RNF2: variants seen among roughly 807,000 people sequenced by gnomAD.
RNF2 encodes ring finger protein 2.
Under a neutral mutation model 37.2 loss-of-function variants are expected in RNF2, and 6 were observed. The observed-to-expected ratio is 0.16, with a 90% CI of 0.09 to 0.32. RNF2 has a LOEUF of 0.32. RNF2 is among the 10% of genes least tolerant of loss of function. The pLI is 1.00. For synonymous variants in RNF2, 133 were observed against 132.7 expected, an observed-to-expected ratio of 1.00 and a Z score of -0.02; for missense variants, 251 against 404.0, an observed-to-expected ratio of 0.62 and a Z score of 3.25.
chr1:185,075,655 G>T (rs1651126612), intron 1 of RNF2, among the ~76,000 whole-genome samples: 1 of 152,168 alleles, frequency 6.6e-6, no homozygotes, highest in South Asian at 2.1e-4. Context: ...TACATGTCTG[G>T]AGCAGGAGGA....
intron 1 of RNF2, among the ~76,000 whole-genome samples, chr1:185,060,812 C>G (rs550542773): frequency 6.6e-6 from 1 of 152,132 alleles, no homozygotes; most frequent in Non-Finnish European, 1.5e-5. Flanking sequence ...GTCAGAGGGA[C>G]AGACAGTTAA....
rs1163774743 is a variant in RNF2 at position 185,061,723 on chromosome 1, TG to T, written c.-3+16075del. 2.6e-5 allele frequency among the ~76,000 whole-genome samples: 4 copies of T among 152,346 alleles called. No homozygotes were observed. In the East Asian group the frequency reaches 7.7e-4, roughly 29 times the overall value. On this transcript the variant is annotated intron_variant, in intron 1 of 6. Coordinates refer to ENST00000367510, the MANE Select transcript of RNF2 (RefSeq NM_007212.4). ...TTAGAGGAAACAACTGGTTGCTGGC[TG>T]AAGTATTCAAGTTGAAAGACATTGC...
chr1:185,087,241 C>T (rs528395246), intron 1 of RNF2, among the ~76,000 whole-genome samples: 1 of 152,234 alleles, frequency 6.6e-6, no homozygotes, highest in South Asian at 2.1e-4. Flanking sequence ...GTTCTGGAGA[C>T]TGGGAATTCC....
chr1:185,082,962 A>G (rs1239342785), intron 1 of RNF2, among the ~76,000 whole-genome samples: 1 of 152,230 alleles, frequency 6.6e-6, no homozygotes, highest in Non-Finnish European at 1.5e-5. Context: ...CCAACAGTGC[A>G]AAAACCACAA....
At chr1:185,075,585 G>C (rs189105348) in intron 1 of RNF2, among the ~76,000 whole-genome samples, 1 of 152,208 alleles carries the variant, frequency 6.6e-6, no homozygotes, top group Non-Finnish European at 1.5e-5. Flanking sequence ...AAGCATGGCT[G>C]GGGGAGGCCT....
intron 5 of RNF2, among the ~76,000 whole-genome samples, chr1:185,099,327 C>T (rs962496434): frequency 7.8e-4 from 119 of 152,296 alleles, no homozygotes; most frequent in African/African-American, 2.8e-3. Context: ...GGATTACAGG[C>T]GTGAGCCACC....
At chr1:185,074,406 G>C (rs970409944) in intron 1 of RNF2, among the ~76,000 whole-genome samples, 4 of 151,994 alleles carry the variant, frequency 2.6e-5, no homozygotes, top group Non-Finnish European at 5.9e-5. Context: ...TAATCTTGTG[G>C]TTGGTTCTCC....
At chr1:185,047,007 A>T (rs1255681020) in intron 1 of RNF2, among the ~76,000 whole-genome samples, 1 of 152,148 alleles carries the variant, frequency 6.6e-6, no homozygotes, top group Non-Finnish European at 1.5e-5. Context: ...TTTCCCCTGA[A>T]ATTTCTACTT....
intron 1 of RNF2, among the ~76,000 whole-genome samples, chr1:185,068,010 T>A (rs1330196571): frequency 1.4e-3 from 1 of 736 alleles, no homozygotes; most frequent in Non-Finnish European, 2.9e-3. Flanking sequence ...CGCCCGGCCT[T>A]TTTTTTTTTT....
chr1:185,085,501 G>A (rs1032955944), intron 1 of RNF2, among the ~76,000 whole-genome samples: 2 of 151,850 alleles, frequency 1.3e-5, no homozygotes, highest in African/African-American at 4.8e-5. Flanking sequence ...CCGTCTCTGT[G>A]TCCATGTTTA....
chr1:185,059,811 T>C (rs1650548024), intron 1 of RNF2, among the ~76,000 whole-genome samples: 1 of 152,228 alleles, frequency 6.6e-6, no homozygotes, highest in South Asian at 2.1e-4. Context: ...AGAAATGAAT[T>C]CCTTAGCTGG....
At chr1:185,081,591 TGG>T (rs370772164) in intron 1 of RNF2, among the ~76,000 whole-genome samples, 1 of 54,898 alleles carries the variant, frequency 1.8e-5, no homozygotes, top group Non-Finnish European at 3.1e-5. Flanking sequence ...ACGGGTGGGG[TGG>T]GGGGGGGCGG....
chr1:185,049,384 C>A (rs187052689), intron 1 of RNF2, among the ~76,000 whole-genome samples: 3 of 152,132 alleles, frequency 2.0e-5, no homozygotes, highest in Non-Finnish European at 4.4e-5. Flanking sequence ...AAAATTATTT[C>A]TCATTTTCTC....
chr1:185,080,848 T>G (rs548968191), intron 1 of RNF2, among the ~76,000 whole-genome samples: 1 of 152,350 alleles, frequency 6.6e-6, no homozygotes, highest in East Asian at 1.9e-4. Context: ...GCAGAATGTT[T>G]TATTTGATAG....
intron 2 of RNF2, among the ~76,000 whole-genome samples, chr1:185,087,995 G>A (rs569772832): frequency 5.3e-5 from 8 of 152,348 alleles, no homozygotes; most frequent in African/African-American, 1.9e-4. Flanking sequence ...CACCAAGGAA[G>A]ACTGTTTTGA....
Position 185,093,047 on chromosome 1 carries a change from C to T in RNF2, c.249-14C>T. 2 of 1,612,290 alleles carry T rather than the reference C, an allele frequency of 1.2e-6. No individual in the cohort carries two copies. Among genetic ancestry groups the T allele is most frequent in the Non-Finnish European group, 8.5e-7 (1 of 1,178,812 alleles). Reference sequence around the variant, plus strand: ...TAGCATTGTTTACATTTGCTTTCCCCTCCTTTTATTTAGCAACAAAGAATG... The same window carrying T: ...TAGCATTGTTTACATTTGCTTTCCCTTCCTTTTATTTAGCAACAAAGAATG... On this transcript the variant is annotated splice_polypyrimidine_tract_variant and intron_variant, in intron 3 of 6. Transcript: ENST00000367510.
At position 185,098,086 on chromosome 1, in the gene RNF2, A is replaced by G. The variant is rs1358093910; in HGVS notation, c.479A>G (p.Lys160Arg). The G allele has an allele frequency of 1.2e-6, 2 of 1,614,076 alleles. No individual in the cohort carries two copies. Among genetic ancestry groups the G allele is most frequent in the Admixed American group, 3.3e-5 (2 of 60,036 alleles). Residue 160 changes from lysine to arginine, a missense_variant, in exon 5 of 7, where the codon AAG (lysine) becomes AGG (arginine). Coordinates refer to ENST00000367510, the MANE Select transcript of RNF2 (RefSeq NM_007212.4). ...IQAMNRLQRGKKQQIENGSGA... is the reference protein window; with the variant it reads ...IQAMNRLQRGRKQQIENGSGA... Reference sequence around the variant, plus strand: ...CCCTTGACTAGACTGCAGCGAGGCAAGAAACAACAGATTGAAAATGGTAGT... The same window carrying G: ...CCCTTGACTAGACTGCAGCGAGGCAGGAAACAACAGATTGAAAATGGTAGT...
At chr1:185,092,478 A>G (rs1019492131) in intron 3 of RNF2, among the ~76,000 whole-genome samples, 2 of 152,184 alleles carry the variant, frequency 1.3e-5, no homozygotes, top group Admixed American at 1.3e-4. Flanking sequence ...CCTAGCCGAG[A>G]AATACATTTT....
chr1:185,054,839 AGGC>A (rs888026807), intron 1 of RNF2, among the ~76,000 whole-genome samples: 1 of 152,140 alleles, frequency 6.6e-6, no homozygotes, highest in African/African-American at 2.4e-5. Context: ...CTGGGACCAC[AGGC>A]GGGCGCCGCC....
Sources: allele counts gnomAD v4.1 joint callset (sites outside exome capture counted in the v4.1 genomes callset), GRCh38; gene constraint gnomAD v4.1.1; transcripts MANE v1.5; gene names NCBI Gene and HGNC (gene_info 2026-07-23, HGNC 2026-07-21).